The following MAP2K6 variants were observed in gnomAD, a reference collection of about 807,000 sequenced individuals.
The protein encoded by MAP2K6 is mitogen-activated protein kinase kinase 6, also known as dual specificity mitogen-activated protein kinase kinase 6.
A neutral mutation model predicts 53.7 loss-of-function variants in MAP2K6; 16 were observed. The observed-to-expected ratio is 0.30, with a 90% CI of 0.20 to 0.45. MAP2K6 has a LOEUF of 0.45. MAP2K6 is among the 20% of genes least tolerant of loss of function. MAP2K6 has a pLI of 1.00. For synonymous variants in MAP2K6, 132 were observed against 143.1 expected, an observed-to-expected ratio of 0.92 and a Z score of 0.55; for missense variants, 204 against 411.9, an observed-to-expected ratio of 0.50 and a Z score of 4.37.
chr17:69,533,416 T>TA (rs1187675947), intron 10 of MAP2K6, among the ~76,000 whole-genome samples: 2 of 152,212 alleles, frequency 1.3e-5, no homozygotes, highest in African/African-American at 2.4e-5. Flanking sequence ...AAATATAAGG[T>TA]AAAAAATCAG....
chr17:69,491,757 C>A (rs199887646), intron 1 of MAP2K6, among the ~76,000 whole-genome samples: 3 of 53,710 alleles, frequency 5.6e-5, no homozygotes, highest in Non-Finnish European at 1.2e-4. Context: ...TATTATTATT[C>A]ACTTTTGAAT....
chr17:69,498,375 C>T (rs530321387), intron 1 of MAP2K6, among the ~76,000 whole-genome samples: 6 of 152,116 alleles, frequency 3.9e-5, no homozygotes, highest in Non-Finnish European at 7.3e-5. Flanking sequence ...TTCTCAGACA[C>T]TTGTGAAACT....
At chr17:69,491,867 G>A (rs1002327946) in intron 1 of MAP2K6, among the ~76,000 whole-genome samples, 2 of 151,876 alleles carry the variant, frequency 1.3e-5, no homozygotes, top group Non-Finnish European at 2.9e-5. Flanking sequence ...GATTTGATTC[G>A]GACTGGTCTG....
intron 1 of MAP2K6, among the ~76,000 whole-genome samples, chr17:69,491,206 C>T (rs1233075178): frequency 6.6e-6 from 1 of 150,796 alleles, no homozygotes; most frequent in Non-Finnish European, 1.5e-5. Flanking sequence ...TGCAATGGCA[C>T]CATCTTGGCT....
rs1468172642 is a variant in MAP2K6 at position 69,544,476 on chromosome 17, A to G, written c.*2723A>G. 1 of 152,218 alleles carries G rather than the reference A, an allele frequency of 6.6e-6. No individual in the cohort carries two copies. Among genetic ancestry groups the G allele is most frequent in the African/African-American group, 2.4e-5 (1 of 41,448 alleles). 9.4% of individuals were successfully genotyped at this position (152,218 alleles called of 1,614,324 possible). A position where few individuals can be genotyped will look rare whatever the true frequency, so the allele number is the denominator to read the frequency against. ...GAGTATTCTGTACATATAGACTTAT[A>G]TATAAAGACATCTGTGTTCACGGAT... is the stretch of plus-strand genomic sequence containing the variant. On this transcript the variant is annotated 3_prime_UTR_variant, in exon 12 of 12. Transcript: ENST00000590474.
At chr17:69,459,895 C>G (rs1188775063) in intron 1 of MAP2K6, among the ~76,000 whole-genome samples, 1 of 150,450 alleles carries the variant, frequency 6.6e-6, no homozygotes, top group Non-Finnish European at 1.5e-5. Flanking sequence ...TTCTCCCTCC[C>G]TTTCTTCTTT....
intron 1 of MAP2K6, among the ~76,000 whole-genome samples, chr17:69,432,689 C>T (rs1050193354): frequency 1.4e-4 from 22 of 151,952 alleles, no homozygotes; most frequent in African/African-American, 4.8e-4. Context: ...GGACAAATAG[C>T]TAATGCATGT....
chr17:69,417,760 T>C (rs909289097), intron 1 of MAP2K6, among the ~76,000 whole-genome samples: 4 of 151,986 alleles, frequency 2.6e-5, no homozygotes, highest in Non-Finnish European at 5.9e-5. Context: ...AGAAAAACTA[T>C]TGTTATCAGC....
At chr17:69,503,214 T>C (rs1293462883) in intron 1 of MAP2K6, among the ~76,000 whole-genome samples, 1 of 152,252 alleles carries the variant, frequency 6.6e-6, no homozygotes, top group East Asian at 1.9e-4. Flanking sequence ...TATAGTTATC[T>C]AAACAAGTTG....
intron 10 of MAP2K6, among the ~76,000 whole-genome samples, chr17:69,530,504 A>T (rs1911025793): frequency 6.6e-6 from 1 of 152,154 alleles, no homozygotes; most frequent in African/African-American, 2.4e-5. Flanking sequence ...TAAAATAGTC[A>T]TTTTGTTGGT....
intron 1 of MAP2K6, among the ~76,000 whole-genome samples, chr17:69,415,648 T>G (rs1905876023): frequency 6.6e-6 from 1 of 152,198 alleles, no homozygotes; most frequent in Non-Finnish European, 1.5e-5. Context: ...CTCGCAAAAT[T>G]TAGAAGCAGC....
chr17:69,523,465 C>G (rs1281388653), intron 7 of MAP2K6, 49 bp from the exon 8 acceptor site: 4 of 1,605,798 alleles, frequency 2.5e-6, no homozygotes, highest in African/African-American at 2.7e-5. Flanking sequence ...GAGAAATGAA[C>G]CTTGAAAGCA....
intron 1 of MAP2K6, among the ~76,000 whole-genome samples, chr17:69,440,378 G>C (rs971507434): frequency 8.5e-5 from 13 of 152,094 alleles, no homozygotes; most frequent in Non-Finnish European, 1.2e-4. Context: ...TTTCCAATCA[G>C]TATGCCTTAC....
chr17:69,450,694 G>A (rs1480740898), intron 1 of MAP2K6, among the ~76,000 whole-genome samples: 1 of 151,936 alleles, frequency 6.6e-6, no homozygotes, highest in Admixed American at 6.6e-5. Flanking sequence ...GCTAGGAAGT[G>A]GGGCCAATTT....
intron 1 of MAP2K6, among the ~76,000 whole-genome samples, chr17:69,484,555 C>T (rs1458712000): frequency 1.3e-5 from 2 of 151,928 alleles, no homozygotes; most frequent in Non-Finnish European, 2.9e-5. Flanking sequence ...TACTGTTGGA[C>T]CTAGCAATTT....
intron 1 of MAP2K6, among the ~76,000 whole-genome samples, chr17:69,462,687 C>T (rs140573483): frequency 1.5e-4 from 23 of 152,298 alleles, no homozygotes; most frequent in Admixed American, 2.0e-4. Context: ...ACACTCCGGG[C>T]GTCAGCTAGA....
rs1290924253 is a variant in MAP2K6 at position 69,509,852 on chromosome 17, G to GT, written c.83+4013dup. On this transcript the variant is annotated intron_variant, in intron 2 of 11. Coordinates refer to ENST00000590474, the MANE Select transcript of MAP2K6 (RefSeq NM_002758.4). ...AGGTTCTTTTTGATTGTTTGTTTTTGTTTTTTTGAGACAGGGTCTCACTCT... is the reference window on the plus strand; with the variant it reads ...AGGTTCTTTTTGATTGTTTGTTTTTGTTTTTTTTGAGACAGGGTCTCACTCT... Among the ~76,000 whole-genome samples, 4 of 151,698 alleles carry GT rather than the reference G, an allele frequency of 2.6e-5. 1 individual carries two copies. Among genetic ancestry groups the GT allele is most frequent in the Non-Finnish European group, 5.9e-5 (4 of 67,912 alleles).
rs778452965 is a variant in MAP2K6, at chr17:69,523,656, T to C, written c.663+15T>C. 6 of 1,612,492 alleles carry C rather than the reference T, an allele frequency of 3.7e-6. No homozygotes were observed. The highest frequency in any genetic ancestry group is 1.6e-4 in the Middle Eastern group (1 of 6,078). ...CATACATGGCCGTAAGTACATTAGC[T>C]AGGGTGGCATCTGGTAATGTCACTG... is the stretch of plus-strand genomic sequence containing the variant. On this transcript the variant is annotated intron_variant, in intron 8 of 11. Transcript: ENST00000590474.
chr17:69,485,089 G>C (rs915754624), intron 1 of MAP2K6: 2 of 152,148 alleles, frequency 1.3e-5, no homozygotes, highest in Non-Finnish European at 2.9e-5. Context: ...TGTTAAATAA[G>C]TGAATAGGTA....
Sources: gnomAD v4.1 joint callset for allele counts (sites outside exome capture counted in the v4.1 genomes callset) on GRCh38, gnomAD v4.1.1 for gene constraint, MANE v1.5 for transcripts, NCBI Gene and HGNC (gene_info 2026-07-23, HGNC 2026-07-21) for gene names.